The following PHGR1 variants were observed in gnomAD, a reference collection of about 807,000 sequenced individuals.
The protein encoded by PHGR1 is proline, histidine and glycine-rich protein 1.
A neutral mutation model predicts 4.9 loss-of-function variants in PHGR1; 3 were observed. The ratio of observed to expected loss-of-function variants is 0.61; its 90% confidence interval spans 0.28 to 1.58. The LOEUF (loss-of-function observed/expected upper bound fraction) is 1.58. Among genes scored for constraint, PHGR1 ranks in the 40% most tolerant of loss-of-function variants. The pLI is 0.11. For synonymous variants in PHGR1, 32 were observed against 46.1 expected, an observed-to-expected ratio of 0.69 and a Z score of 1.24; for missense variants, 81 against 118.7, an observed-to-expected ratio of 0.68 and a Z score of 1.48.
chr15:40,355,875 C>A (rs1286655093), intron 3 of PHGR1, among the ~76,000 whole-genome samples, 198 bp from the exon 4 acceptor site: 1 of 152,192 alleles, frequency 6.6e-6, no homozygotes, highest in African/African-American at 2.4e-5. Context: ...GGTTGCTTGC[C>A]TTTTATCTGC....
intron 3 of PHGR1, among the ~76,000 whole-genome samples, chr15:40,355,751 G>A (rs1456953710): frequency 1.3e-5 from 2 of 152,204 alleles, no homozygotes; most frequent in South Asian, 4.1e-4. Flanking sequence ...GGGTTCCTGG[G>A]TGAGAGAAAG....
At chr15:40,353,384 G>C in intron 2 of PHGR1, 117 bp downstream of exon 2, 2 of 1,319,964 alleles carry the variant, frequency 1.5e-6, no homozygotes, top group South Asian at 2.5e-5. Context: ...ACGTGCGTGT[G>C]TGTTTGTATG....
chr15:40,355,995 T>C (rs1889287875), intron 3 of PHGR1, 78 bp from the exon 4 acceptor site: 1 of 1,419,790 alleles, frequency 7.0e-7, no homozygotes, highest in Non-Finnish European at 9.7e-7. Context: ...CCCAGGGAAG[T>C]GGAGTGAGGG....
intron 1 of PHGR1, 117 bp downstream of exon 1, chr15:40,351,179 G>C (rs1192482741): frequency 6.6e-6 from 1 of 152,450 alleles, no homozygotes; most frequent in South Asian, 2.1e-4. Flanking sequence ...ATTGGTATCC[G>C]TGCTTCCGTG....
intron 3 of PHGR1, among the ~76,000 whole-genome samples, chr15:40,355,485 C>T (rs1426962821): frequency 6.6e-6 from 1 of 152,188 alleles, no homozygotes; most frequent in Non-Finnish European, 1.5e-5. Flanking sequence ...ACACCGTCTA[C>T]ACACATACAC....
At chr15:40,353,950 G>C (rs964072116) in intron 2 of PHGR1, among the ~76,000 whole-genome samples, 2 of 152,192 alleles carry the variant, frequency 1.3e-5, no homozygotes, top group African/African-American at 2.4e-5. Context: ...GACAGGGGCA[G>C]AGGACAGATG....
At chr15:40,355,568 T>G (rs565390054) in intron 3 of PHGR1, among the ~76,000 whole-genome samples, 26 of 152,224 alleles carry the variant, frequency 1.7e-4, no homozygotes, top group African/African-American at 6.3e-4. Flanking sequence ...ATCCTCCAAC[T>G]GTCTTCCTTC....
chr15:40,353,169 G>A (rs1343195439), intron 1 of PHGR1, 63 bp from the exon 2 acceptor site: 19 of 1,485,202 alleles, frequency 1.3e-5, no homozygotes, highest in Middle Eastern at 1.7e-4. Context: ...GCATCCGTGG[G>A]AGGGAGAAAG....
At chr15:40,354,257 C>A (rs2141255030) in intron 2 of PHGR1, 88 bp from the exon 3 acceptor site, 1 of 1,446,510 alleles carries the variant, frequency 6.9e-7, no homozygotes, top group Non-Finnish European at 9.4e-7. Flanking sequence ...GGCACAAAAT[C>A]CTTAGTGCCA....
At chr15:40,356,006 A>G in intron 3 of PHGR1, 67 bp from the exon 4 acceptor site, 4 of 1,473,462 alleles carry the variant, frequency 2.7e-6, no homozygotes, top group Non-Finnish European at 3.7e-6. Flanking sequence ...GGAGTGAGGG[A>G]GAGCTGATCT....
chr15:40,353,228 A>C lies in PHGR1; in HGVS notation c.-26-4A>C. On this transcript the variant is annotated splice_region_variant and splice_polypyrimidine_tract_variant and intron_variant, in intron 1 of 3. Coordinates refer to ENST00000448599, the MANE Select transcript of PHGR1 (RefSeq NM_001145643.2). ...GTAAATTAAAAGTTACCTTTTGAAC[A>C]CAGGTATTCCCTGCTCTTACTCCAA... is the stretch of plus-strand genomic sequence containing the variant. 1 of 1,551,332 alleles carries C rather than the reference A, an allele frequency of 6.4e-7. No homozygotes were observed. Among genetic ancestry groups the C allele is most frequent in the Non-Finnish European group, 8.7e-7 (1 of 1,146,816 alleles).
At chr15:40,355,067 T>C (rs977993709) in intron 3 of PHGR1, among the ~76,000 whole-genome samples, 2 of 151,950 alleles carry the variant, frequency 1.3e-5, no homozygotes, top group African/African-American at 2.4e-5. Context: ...AGTGGGAGCA[T>C]AGCCCCGCCC....
Position 40,356,319 on chromosome 15 carries a change from C to T in PHGR1, c.*16C>T, listed in dbSNP as rs2141256076. 1 of 1,549,826 alleles carries T rather than the reference C, an allele frequency of 6.5e-7. No individual in the cohort carries two copies. Among genetic ancestry groups the T allele is most frequent in the Non-Finnish European group, 8.7e-7 (1 of 1,146,588 alleles). ...ACATCACTGAGGAAGTAGAAGAAAACAGGACACAAGATGGCAAGCCTGAGA... is the reference window on the plus strand; with the variant it reads ...ACATCACTGAGGAAGTAGAAGAAAATAGGACACAAGATGGCAAGCCTGAGA... On this transcript the variant is annotated 3_prime_UTR_variant, in exon 4 of 4. Coordinates refer to ENST00000448599, the MANE Select transcript of PHGR1 (RefSeq NM_001145643.2).
rs572210718 is a variant in PHGR1 at position 40,355,225 on chromosome 15, G to A, written c.19-848G>A. Among the ~76,000 whole-genome samples, 8 of 151,360 alleles carry A rather than the reference G, an allele frequency of 5.3e-5. No individual in the cohort carries two copies. The South Asian group carries it at 1.7e-3, about 32-fold the overall frequency. ...CCTTGGGACTTCAGGAATGATTCCA[G>A]CCAAGATGGAAGGTTAAACCACACT... On this transcript the variant is annotated intron_variant, in intron 3 of 3. Coordinates refer to ENST00000448599, the MANE Select transcript of PHGR1 (RefSeq NM_001145643.2).
At chr15:40,352,372 C>T (rs1889217281) in intron 1 of PHGR1, among the ~76,000 whole-genome samples, 1 of 152,138 alleles carries the variant, frequency 6.6e-6, no homozygotes, top group Non-Finnish European at 1.5e-5. Flanking sequence ...CCTGACGTCA[C>T]ATACTACACT....
intron 1 of PHGR1, among the ~76,000 whole-genome samples, chr15:40,352,272 G>A (rs35231796): frequency 6.6e-6 from 1 of 152,132 alleles, no homozygotes; most frequent in East Asian, 1.9e-4. Context: ...TCTTGCAAGA[G>A]GCTAGGGTTG....
chr15:40,353,104 T>G, intron 1 of PHGR1, 128 bp from the exon 2 acceptor site: 12 of 974,864 alleles, frequency 1.2e-5, no homozygotes, highest in Non-Finnish European at 1.5e-5. Flanking sequence ...CTTTCTTCCT[T>G]TGAAGGGTGT....
At chr15:40,353,128 TG>T in intron 1 of PHGR1, 103 bp from the exon 2 acceptor site, 1 of 854,112 alleles carries the variant, frequency 1.2e-6, no homozygotes, top group Non-Finnish European at 1.8e-6. Flanking sequence ...TGTGTGTGTG[TG>T]TGTGTGTGTG....
rs1889295729 is a variant in PHGR1 at position 40,356,191 on chromosome 15, C to T, written c.137C>T (p.Pro46Leu). Residue 46 changes from proline to leucine, a missense_variant, in exon 4 of 4, where the codon CCC becomes CTC. Pro to Leu is a moderately conservative substitution (Grantham distance 98). Coordinates refer to ENST00000448599, the MANE Select transcript of PHGR1 (RefSeq NM_001145643.2). ...PHHGPGPCGP[P>L]PGHGPGPCGP... ...CATGGTCCAGGGCCCTGCGGGCCAC[C>T]CCCTGGCCATGGCCCAGGGCCCTGC... The T allele has an allele frequency of 6.8e-7, 1 of 1,462,402 alleles. No individual in the cohort carries two copies. The highest frequency in any genetic ancestry group is 1.3e-5 in the South Asian group (1 of 75,872). 90.6% of individuals were successfully genotyped at this position (1,462,402 alleles called of 1,614,324 possible).
Sources: gnomAD v4.1 joint callset for allele counts (sites outside exome capture counted in the v4.1 genomes callset) on GRCh38, gnomAD v4.1.1 for gene constraint, MANE v1.5 for transcripts, NCBI Gene and HGNC (gene_info 2026-07-23, HGNC 2026-07-21) for gene names.